The following PLCB1 variants were observed in gnomAD, a reference collection of about 807,000 sequenced individuals.
The protein encoded by PLCB1 is phospholipase C beta 1.
A neutral mutation model predicts 161.8 loss-of-function variants in PLCB1; 46 were observed. That is an observed-to-expected ratio of 0.28 (90% CI 0.22 to 0.36). The LOEUF (loss-of-function observed/expected upper bound fraction) is 0.36. PLCB1 is among the 10% of genes least tolerant of loss of function. The pLI, the probability that PLCB1 is intolerant of heterozygous loss-of-function variation, is 1.00. For missense variants in PLCB1, 1,016 were observed against 1,472.5 expected (o/e 0.69, Z 5.07); for synonymous variants, 517 against 503.7 (o/e 1.03, Z -0.35).
intron 6 of PLCB1, among the ~76,000 whole-genome samples, chr20:8,649,080 G>T (rs1242142239): frequency 1.3e-5 from 2 of 152,140 alleles, no homozygotes; most frequent in African/African-American, 2.4e-5. Flanking sequence ...AATTAATAAG[G>T]ATGTTTATTT....
In PLCB1 at chr20:8,136,515, G is replaced by A. The variant is rs536105254; in HGVS notation, c.99+3765G>A. 2.7e-3 allele frequency among the ~76,000 whole-genome samples: 408 copies of A among 151,796 alleles called. 3 individuals carry two copies. The highest frequency in any genetic ancestry group is 5.9e-3 in the African/African-American group (243 of 41,434). On this transcript the variant is annotated intron_variant, in intron 1 of 31. Coordinates refer to ENST00000338037, the MANE Select transcript of PLCB1 (RefSeq NM_015192.4). Reference sequence around the variant, plus strand: ...GTGGCGGGCGCCTGTAGTCCCAGCTGCTCGGGAGGCTGAGGCAGGAGAATG... The same window carrying A: ...GTGGCGGGCGCCTGTAGTCCCAGCTACTCGGGAGGCTGAGGCAGGAGAATG...
At chr20:8,244,725 A>G (rs1162540796) in intron 2 of PLCB1, among the ~76,000 whole-genome samples, 2 of 151,916 alleles carry the variant, frequency 1.3e-5, no homozygotes, top group South Asian at 4.1e-4. Context: ...TACCGCAGTA[A>G]AAGTATGAAA....
At chr20:8,427,053 A>G (rs1979813220) in intron 3 of PLCB1, among the ~76,000 whole-genome samples, 2 of 152,214 alleles carry the variant, frequency 1.3e-5, no homozygotes, top group East Asian at 3.9e-4. Flanking sequence ...CTGGGATTAC[A>G]GGCACCTGCT....
chr20:8,509,796 G>A lies in PLCB1; in HGVS notation c.247-118498G>A, dbSNP rs146863633. Among the ~76,000 whole-genome samples the A allele has an allele frequency of 5.2e-3, 788 of 152,150 alleles. 2 individuals carry two copies. Among genetic ancestry groups the A allele is most frequent in the Middle Eastern group, 0.021 (6 of 292 alleles). On this transcript the variant is annotated intron_variant, in intron 3 of 31. Coordinates refer to ENST00000338037, the MANE Select transcript of PLCB1 (RefSeq NM_015192.4). ...TAGATAGATAGATAGCATGAAGATG[G>A]TTGAGGTGACTACACCCTATGCTTC...
intron 20 of PLCB1, 40 bp from the exon 21 acceptor site, chr20:8,739,221 T>C (rs1980741226): frequency 8.9e-7 from 1 of 1,128,632 alleles, no homozygotes; most frequent in Non-Finnish European, 1.4e-6. Context: ...TTGGAATTGT[T>C]CATTCTTATA....
At chr20:8,867,385 G>C (rs1987464558) in intron 31 of PLCB1, among the ~76,000 whole-genome samples, 1 of 152,180 alleles carries the variant, frequency 6.6e-6, no homozygotes, top group Admixed American at 6.5e-5. Context: ...CTGCACTATT[G>C]ACCTTGCTTC....
At chr20:8,195,198 G>A (rs2052008552) in intron 2 of PLCB1, among the ~76,000 whole-genome samples, 1 of 151,938 alleles carries the variant, frequency 6.6e-6, no homozygotes, top group African/African-American at 2.4e-5. Flanking sequence ...AGGAAAATAA[G>A]GAAGAAACCA....
chr20:8,438,885 T>C (rs1041931061), intron 3 of PLCB1, among the ~76,000 whole-genome samples: 2 of 152,176 alleles, frequency 1.3e-5, no homozygotes, highest in African/African-American at 2.4e-5. Flanking sequence ...ACTCTGCTTT[T>C]TTTGTGATGA....
chr20:8,178,210 T>A (rs2051802823), intron 2 of PLCB1, among the ~76,000 whole-genome samples: 1 of 152,204 alleles, frequency 6.6e-6, no homozygotes, highest in East Asian at 1.9e-4. Context: ...TGAGTATATA[T>A]CCAATAATGG....
intron 2 of PLCB1, among the ~76,000 whole-genome samples, chr20:8,223,585 C>T (rs1245966949): frequency 3.3e-5 from 5 of 151,916 alleles, no homozygotes; most frequent in Non-Finnish European, 2.9e-5. Context: ...GAATTAAGTC[C>T]AGGTCTCTTC....
intron 3 of PLCB1, among the ~76,000 whole-genome samples, chr20:8,488,861 T>C (rs60154175): frequency 0.038 from 5,802 of 152,300 alleles, 369 homozygotes; most frequent in African/African-American, 0.13. Context: ...TTTCTAGATT[T>C]AATGACTTTA....
At chr20:8,260,342 C>T (rs1568608708) in intron 2 of PLCB1, among the ~76,000 whole-genome samples, 2 of 151,828 alleles carry the variant, frequency 1.3e-5, no homozygotes, top group Admixed American at 6.6e-5. Context: ...TCCTGAGCCT[C>T]CCGAAATGCT....
chr20:8,584,110 GT>G (rs1175968908), intron 3 of PLCB1, among the ~76,000 whole-genome samples: 1 of 152,092 alleles, frequency 6.6e-6, no homozygotes, highest in Non-Finnish European at 1.5e-5. Flanking sequence ...TCTAGAATTA[GT>G]TTAATTATTA....
At chr20:8,663,442 C>T (rs1989736526) in intron 9 of PLCB1, among the ~76,000 whole-genome samples, 1 of 151,882 alleles carries the variant, frequency 6.6e-6, no homozygotes, top group African/African-American at 2.4e-5. Context: ...CAAAGCCGAC[C>T]ATAGTTTAGC....
chr20:8,556,291 A>C (rs1325022706), intron 3 of PLCB1, among the ~76,000 whole-genome samples: 3 of 151,920 alleles, frequency 2.0e-5, no homozygotes, highest in African/African-American at 7.3e-5. Flanking sequence ...CGTTTTACCT[A>C]ACTTGGAACT....
chr20:8,325,701 A>G (rs1985124316), intron 2 of PLCB1, among the ~76,000 whole-genome samples: 1 of 152,176 alleles, frequency 6.6e-6, no homozygotes, highest in Non-Finnish European at 1.5e-5. Flanking sequence ...TTGGATTCAA[A>G]CCTGTCTGTC....
chr20:8,712,977 C>T (rs1979102041), intron 12 of PLCB1, among the ~76,000 whole-genome samples: 1 of 152,146 alleles, frequency 6.6e-6, no homozygotes, highest in Non-Finnish European at 1.5e-5. Context: ...TTTATTTCTG[C>T]AGTTCTGACC....
chr20:8,243,553 G>T (rs1980724011), intron 2 of PLCB1, among the ~76,000 whole-genome samples: 1 of 151,804 alleles, frequency 6.6e-6, no homozygotes. Flanking sequence ...GTCATCCAAT[G>T]GATATAAATA....
At chr20:8,474,713 A>C (rs1982197742) in intron 3 of PLCB1, among the ~76,000 whole-genome samples, 1 of 152,164 alleles carries the variant, frequency 6.6e-6, no homozygotes, top group Admixed American at 6.5e-5. Context: ...CTGGGGACTA[A>C]GATGTGACAT....
Sources: allele counts gnomAD v4.1 joint callset (sites outside exome capture counted in the v4.1 genomes callset), GRCh38; gene constraint gnomAD v4.1.1; transcripts MANE v1.5; gene names NCBI Gene and HGNC (gene_info 2026-07-23, HGNC 2026-07-21).